Variants in CCDC33 observed in about 807,000 individuals in gnomAD.
CCDC33 encodes the protein coiled-coil domain containing 33.
Under a neutral mutation model 91.9 loss-of-function variants are expected in CCDC33, and 94 were observed. That is an observed-to-expected ratio of 1.02 (90% CI 0.87 to 1.21). The LOEUF is 1.21. Among genes scored for constraint, CCDC33 ranks in the 50% most tolerant of loss-of-function variants. The probability of loss-of-function intolerance (pLI) is 0.00; values close to 1 mark genes in which losing one functional copy is unlikely to be tolerated. For missense variants in CCDC33, 940 were observed against 935.5 expected, an observed-to-expected ratio of 1.00 and a Z score of -0.06; for synonymous variants, 396 against 374.5, an observed-to-expected ratio of 1.06 and a Z score of -0.66.
At chr15:74,283,680 T>TA (rs1320040846) in intron 10 of CCDC33, among the ~76,000 whole-genome samples, 1 of 151,768 alleles carries the variant, frequency 6.6e-6, no homozygotes, top group Non-Finnish European at 1.5e-5. Flanking sequence ...TGGAGGCGGG[T>TA]AAAAAACCTT....
rs549108057 is a variant in CCDC33 at position 74,209,243 on chromosome 15, C to T, written n.90-145C>T. 1.5e-4 allele frequency: 168 copies of T among 1,154,908 alleles called. 1 individual carries two copies. In the African/African-American group the frequency reaches 2.3e-3, roughly 16 times the overall value. The allele number at this position is 1,154,908 out of a possible 1,614,324, so 71.5% of individuals were successfully genotyped here. ...TCTCCACACCCCCAAACCGTTTGCT[C>T]GAAACTTGATCTCCTTGGCCCTCAG... On this transcript the variant is annotated intron_variant and non_coding_transcript_variant, in intron 1 of 3. Coordinates refer to the CCDC33 transcript ENST00000558645.
chr15:74,328,474 C>G (rs892834727), intron 11 of CCDC33, among the ~76,000 whole-genome samples: 12 of 152,208 alleles, frequency 7.9e-5, no homozygotes, highest in African/African-American at 2.9e-4. Flanking sequence ...CCAAGCTGGC[C>G]TGCTGATCTG....
chr15:74,244,793 C>T lies in CCDC33; in HGVS notation c.185+645C>T, dbSNP rs979478527. Among the ~76,000 whole-genome samples the T allele has an allele frequency of 1.3e-5, 2 of 152,216 alleles. No individual in the cohort carries two copies. The highest frequency in any genetic ancestry group is 2.1e-4 in the South Asian group (1 of 4,832). Reference sequence around the variant, plus strand: ...GGCAACACAATCTCCATCCAGCCAACCTTCGCTGGGGACACTGAATATTTG... The same window carrying T: ...GGCAACACAATCTCCATCCAGCCAATCTTCGCTGGGGACACTGAATATTTG... On this transcript the variant is annotated intron_variant, in intron 2 of 18. Transcript: ENST00000398814. The surrounding 1 kb of genome is among the most constrained non-coding windows in gnomAD (Gnocchi z 4.2).
At chr15:74,295,571 C>T (rs1365856279) in intron 10 of CCDC33, among the ~76,000 whole-genome samples, 183 bp from the exon 11 acceptor site, 1 of 152,090 alleles carries the variant, frequency 6.6e-6, no homozygotes, top group African/African-American at 2.4e-5. Context: ...GGAGGAACAG[C>T]AAGGGCCATG....
chr15:74,266,585 C>T (rs1174126148), intron 3 of CCDC33, 93 bp from the exon 4 acceptor site: 15 of 892,286 alleles, frequency 1.7e-5, no homozygotes, highest in Admixed American at 7.1e-5. Flanking sequence ...TCCCTACTCT[C>T]AACAATGTCT....
At chr15:74,216,768 A>G (rs1412026341), upstream of CCDC33, among the ~76,000 whole-genome samples, 1 of 150,662 alleles carries the variant, frequency 6.6e-6, no homozygotes, top group Non-Finnish European at 1.5e-5. Context: ...GCATATGAAC[A>G]GGCTCTCCCA....
Position 74,271,785 on chromosome 15 carries a change from A to G in CCDC33, c.629A>G (p.Lys210Arg), listed in dbSNP as rs755276757. ...ATTGCCCGGGTCGTTCCCAACTACA[A>G]GGAATTTAAGTGAGTGGGGCCCAGG... ...VVIARVVPNY[K>R]EFKVSQANRD... is the part of the protein sequence containing the mutation. The change falls in exon 6 of 19, where the codon AAG becomes AGG. Residue 210 changes from lysine (K) to arginine (R), a missense_variant. Coordinates refer to ENST00000398814, the MANE Select transcript of CCDC33 (RefSeq NM_025055.5). The G allele has an allele frequency of 7.4e-6, 12 of 1,613,728 alleles. No homozygotes were observed. Among genetic ancestry groups the G allele is most frequent in the South Asian group, 3.3e-5 (3 of 91,070 alleles).
chr15:74,228,906 T>C (rs1595894257), intron 2 of CCDC33, among the ~76,000 whole-genome samples: 1 of 152,018 alleles, frequency 6.6e-6, no homozygotes, highest in Admixed American at 6.5e-5. Flanking sequence ...TGGCGGGTGG[T>C]GTGAGCGAAG....
At chr15:74,276,938 G>GT (rs1596007720) in intron 7 of CCDC33, among the ~76,000 whole-genome samples, 1 of 152,178 alleles carries the variant, frequency 6.6e-6, no homozygotes, top group East Asian at 1.9e-4. Context: ...GACTCTACAT[G>GT]TTTGTGTGTG....
In CCDC33 at chr15:74,325,903, C is replaced by T. The variant is rs1422448067; in HGVS notation, c.1291-4286C>T. Among the ~76,000 whole-genome samples the T allele has an allele frequency of 2.0e-5, 3 of 152,164 alleles. No individual in the cohort carries two copies. In the East Asian group the frequency reaches 5.8e-4, roughly 29 times the overall value. On this transcript the variant is annotated intron_variant, in intron 11 of 18. Transcript: ENST00000398814. ...CCCAGCTCCTCCTTCTCCCCACTCCCAGCATAAAAACAAAGACAATCGCCA... is the reference window on the plus strand; with the variant it reads ...CCCAGCTCCTCCTTCTCCCCACTCCTAGCATAAAAACAAAGACAATCGCCA...
upstream of CCDC33, among the ~76,000 whole-genome samples, chr15:74,234,498 G>A (rs1336990642): frequency 6.6e-6 from 1 of 152,194 alleles, no homozygotes; most frequent in Non-Finnish European, 1.5e-5. Flanking sequence ...GCAGCTCTCG[G>A]GGGAGGTTAG....
rs565894639 is a variant in CCDC33 at position 74,281,368 on chromosome 15, T to C, written c.1024-410T>C. 2.0e-5 allele frequency among the ~76,000 whole-genome samples: 3 copies of C among 152,324 alleles called. No individual in the cohort carries two copies. In the South Asian group the frequency reaches 6.2e-4, roughly 32 times the overall value. ...TGCCTATAAAATGGGTACATGGCAA[T>C]AGCACTTTTTTCATAGGGTTGCTGT... On this transcript the variant is annotated intron_variant, in intron 9 of 18. Coordinates refer to ENST00000398814, the MANE Select transcript of CCDC33 (RefSeq NM_025055.5).
chr15:74,335,374 C>T, intron 18 of CCDC33: 1 of 594,264 alleles, frequency 1.7e-6, no homozygotes, highest in Admixed American at 3.0e-5. Flanking sequence ...TCCATGCAGG[C>T]ATCTCCAGGA....
In CCDC33 at chr15:74,273,245, G is replaced by A. The variant is rs11639247; in HGVS notation, c.759+354G>A. On this transcript the variant is annotated intron_variant, in intron 7 of 18. Coordinates refer to ENST00000398814, the MANE Select transcript of CCDC33 (RefSeq NM_025055.5). ...GGGATACCTAGAATAGGAAAATTCA[G>A]AGTCAGAATGTAGAACAGTGGCTAC... is the stretch of plus-strand genomic sequence containing the variant. Among the ~76,000 whole-genome samples the A allele has an allele frequency of 5.6e-3, 846 of 152,366 alleles. 6 individuals are homozygous for A. The highest frequency in any genetic ancestry group is 9.7e-3 in the Non-Finnish European group (657 of 68,028).
At chr15:74,326,879 G>T (rs2060320118) in intron 11 of CCDC33, among the ~76,000 whole-genome samples, 1 of 152,178 alleles carries the variant, frequency 6.6e-6, no homozygotes, top group Non-Finnish European at 1.5e-5. Context: ...TGTTCTCAAG[G>T]CTGGGCTGTG....
At chr15:74,205,398 G>A (rs1437413888) in intron 1 of CCDC33, among the ~76,000 whole-genome samples, 3 of 152,178 alleles carry the variant, frequency 2.0e-5, no homozygotes, top group Admixed American at 6.5e-5. Context: ...GAAGGTGAAG[G>A]GGGGTCAGGC....
In CCDC33 at chr15:74,271,995, GC is replaced by G. The variant is rs573483505; in HGVS notation, c.638+204del. ...CCATGCCTTTCTTTCCCCAGGGAGAGCCCAGGCCCCTGGAAAGGGGCAGCTC... is the reference window on the plus strand; with the variant it reads ...CCATGCCTTTCTTTCCCCAGGGAGAGCCAGGCCCCTGGAAAGGGGCAGCTC... On this transcript the variant is annotated intron_variant, in intron 6 of 18. Transcript: ENST00000398814. Among the ~76,000 whole-genome samples the G allele has an allele frequency of 1.9e-4, 29 of 152,300 alleles. No homozygotes were observed. The East Asian group carries it at 5.6e-3, about 29-fold the overall frequency.
Position 74,336,076 on chromosome 15 carries a change from C to A in CCDC33, c.*23C>A. 6.2e-7 allele frequency: 1 copy of A among 1,612,632 alleles called. No individual in the cohort carries two copies. Among genetic ancestry groups the A allele is most frequent in the South Asian group, 1.1e-5 (1 of 91,018 alleles). On this transcript the variant is annotated 3_prime_UTR_variant, in exon 19 of 19. Coordinates refer to ENST00000398814, the MANE Select transcript of CCDC33 (RefSeq NM_025055.5). ...TGAGCCCCAGAGCAGGCCTCCTTCC[C>A]TGTGTGCTGGGGAGTCTCATCACCG...
intron 2 of CCDC33, among the ~76,000 whole-genome samples, chr15:74,257,341 G>C (rs931916214): frequency 1.3e-3 from 205 of 152,324 alleles, no homozygotes; most frequent in African/African-American, 4.5e-3. Context: ...CACAGACTGG[G>C]GGCCTTGTCA....
Sources: allele counts gnomAD v4.1 joint callset (sites outside exome capture counted in the v4.1 genomes callset), GRCh38; gene constraint gnomAD v4.1.1; non-coding constraint Gnocchi (gnomAD v3.1); transcripts MANE v1.5; gene names NCBI Gene and HGNC (gene_info 2026-07-23, HGNC 2026-07-21).